RIN2: variants seen among roughly 807,000 people sequenced by gnomAD.
RIN2 encodes Ras and Rab interactor 2, also known as RAB5 interacting protein 2.
A neutral mutation model predicts 78.0 loss-of-function variants in RIN2; 36 were observed. That is an observed-to-expected ratio of 0.46 (90% CI 0.35 to 0.61). RIN2 has a LOEUF of 0.61. RIN2 is among the 20% of genes least tolerant of loss of function. RIN2 has a pLI of 0.00. For missense variants in RIN2, 1,087 were observed against 1,159.7 expected (o/e 0.94, Z 0.91); for synonymous variants, 466 against 466.8 (o/e 1.00, Z 0.02).
chr20:19,792,847 G>T (rs989353067), intron 1 of RIN2, among the ~76,000 whole-genome samples: 1 of 152,132 alleles, frequency 6.6e-6, no homozygotes, highest in Non-Finnish European at 1.5e-5. Context: ...GCTAGCAATT[G>T]CCTATTATGT....
chr20:19,937,134 A>G (rs1172619770), intron 4 of RIN2, among the ~76,000 whole-genome samples: 5 of 152,138 alleles, frequency 3.3e-5, no homozygotes, highest in Non-Finnish European at 7.4e-5. Context: ...GATTTTTTAG[A>G]AGTAGTGAGT....
rs530301557 is a variant in RIN2 at position 19,905,738 on chromosome 20, A to G, written c.57+16080A>G. Among the ~76,000 whole-genome samples the G allele has an allele frequency of 1.5e-4, 23 of 152,328 alleles. No homozygotes were observed. In the South Asian group the frequency reaches 4.1e-3, roughly 27 times the overall value. Reference sequence around the variant, plus strand: ...ACAGAGCAAAACTCCATCTCTAACAAAAAACAAATAAACAAACAACAAGTT... The same window carrying G: ...ACAGAGCAAAACTCCATCTCTAACAGAAAACAAATAAACAAACAACAAGTT... On this transcript the variant is annotated intron_variant, in intron 3 of 12. Transcript: ENST00000255006.
At chr20:19,837,250 T>C (rs1376381699) in intron 2 of RIN2, among the ~76,000 whole-genome samples, 2 of 151,506 alleles carry the variant, frequency 1.3e-5, no homozygotes, top group East Asian at 3.9e-4. Context: ...CCCAGCTCAG[T>C]GTGAGCCCAG....
At chr20:19,879,348 G>T (rs1387104238) in intron 2 of RIN2, among the ~76,000 whole-genome samples, 1 of 152,148 alleles carries the variant, frequency 6.6e-6, no homozygotes, top group Non-Finnish European at 1.5e-5. Context: ...CTTTTCCCTT[G>T]CTAATTTCTG....
rs1050063224 is a variant in RIN2, at chr20:19,974,757, C to T, written c.732C>T (p.Cys244=). 1.2e-6 allele frequency: 2 copies of T among 1,614,036 alleles called. No homozygotes were observed. Among genetic ancestry groups the T allele is most frequent in the Admixed American group, 1.7e-5 (1 of 60,026 alleles). Residue 244 remains cysteine, a synonymous_variant, in exon 9 of 13, where the codon TGC becomes TGT. Transcript: ENST00000255006. ...GTCCTGCCTCCCTGCGTCAGCTCTG[C>T]CTTATAAATGGAGTGCATTCTATCA... The part of the protein sequence containing the change: ...GVCPASLRQL[C]LINGVHSIKT...
rs1467323699 is a variant in RIN2 at position 19,960,793 on chromosome 20, A to G, written c.445A>G (p.Ile149Val). 1.9e-6 allele frequency: 3 copies of G among 1,596,954 alleles called. No homozygotes were observed. The highest frequency in any genetic ancestry group is 1.3e-5 in the African/African-American group (1 of 74,656). Residue 149 changes from isoleucine to valine, a missense_variant, in exon 6 of 13, where the codon ATA becomes GTA. Around this residue, in one of 8 missense-constraint regions of RIN2, gnomAD observed 706 missense variants for 667.5 expected, o/e 1.06. Coordinates refer to ENST00000255006, the MANE Select transcript of RIN2 (RefSeq NM_018993.4). ...TGGGGCCCCACTCAAGGAATTTGCC[A>G]TAAAGGAAAGCACATACAGTAAGTG... ...EFGAPLKEFA[I>V]KESTYTFSLE...
intron 3 of RIN2, among the ~76,000 whole-genome samples, chr20:19,907,295 T>C (rs942680188): frequency 6.6e-6 from 1 of 152,200 alleles, no homozygotes; most frequent in Non-Finnish European, 1.5e-5. Context: ...CACTGTTGCA[T>C]TGAAGATTAA....
intron 1 of RIN2, among the ~76,000 whole-genome samples, chr20:19,762,271 G>A (rs1378728650): frequency 2.6e-5 from 4 of 152,150 alleles, no homozygotes; most frequent in African/African-American, 9.7e-5. Context: ...CCACAGACCA[G>A]TAACCTCAGC....
chr20:19,990,477 G>A (rs2042765390), intron 10 of RIN2, among the ~76,000 whole-genome samples, 166 bp downstream of exon 10: 2 of 152,132 alleles, frequency 1.3e-5, no homozygotes, highest in South Asian at 2.1e-4. Context: ...CGGCACATTA[G>A]TCACATGCAA....
intron 3 of RIN2, among the ~76,000 whole-genome samples, chr20:19,907,114 G>A (rs1366001979): frequency 6.6e-6 from 1 of 152,144 alleles, no homozygotes; most frequent in East Asian, 1.9e-4. Context: ...GCAAGGGTAG[G>A]AGGGAGAGAG....
chr20:19,801,630 G>A (rs899658992), intron 2 of RIN2, among the ~76,000 whole-genome samples: 2 of 152,172 alleles, frequency 1.3e-5, no homozygotes. Flanking sequence ...ATCATTATGC[G>A]ATTCTGTGAT....
At chr20:19,836,346 G>A (rs141930302) in intron 2 of RIN2, among the ~76,000 whole-genome samples, 3 of 152,172 alleles carry the variant, frequency 2.0e-5, no homozygotes, top group African/African-American at 4.8e-5. Flanking sequence ...TGACGCCATC[G>A]CACCAAAACT....
intron 7 of RIN2, among the ~76,000 whole-genome samples, chr20:19,970,090 C>A (rs1050235887): frequency 1.3e-5 from 2 of 152,216 alleles, no homozygotes; most frequent in Non-Finnish European, 1.5e-5. Context: ...TGGCACCATG[C>A]TGCTTGGGTG....
At chr20:19,833,905 C>G (rs1375566785) in intron 2 of RIN2, among the ~76,000 whole-genome samples, 1 of 152,146 alleles carries the variant, frequency 6.6e-6, no homozygotes, top group East Asian at 1.9e-4. Context: ...AGGTTGGCAT[C>G]CTGCTGAGGT....
At chr20:19,816,842 T>A (rs989773887) in intron 2 of RIN2, among the ~76,000 whole-genome samples, 2 of 152,130 alleles carry the variant, frequency 1.3e-5, no homozygotes, top group Non-Finnish European at 2.9e-5. Context: ...TTTAGAAAAT[T>A]TGCAAATTTC....
At chr20:19,887,812 T>A (rs2038263236) in intron 2 of RIN2, among the ~76,000 whole-genome samples, 1 of 152,126 alleles carries the variant, frequency 6.6e-6, no homozygotes, top group Non-Finnish European at 1.5e-5. Flanking sequence ...TGACATCAAA[T>A]CCCCTGCCGA....
At chr20:19,799,073 G>A (rs546945636) in intron 1 of RIN2, among the ~76,000 whole-genome samples, 4 of 152,132 alleles carry the variant, frequency 2.6e-5, no homozygotes, top group African/African-American at 9.6e-5. Flanking sequence ...CTAATTTTTT[G>A]TATTTTTGGT....
intron 9 of RIN2, among the ~76,000 whole-genome samples, chr20:19,980,161 A>G (rs923748195): frequency 1.5e-4 from 23 of 152,174 alleles, no homozygotes; most frequent in African/African-American, 5.5e-4. Flanking sequence ...ATGTGACCCT[A>G]TCGCCTGAAG....
chr20:19,792,107 A>T (rs1395104169), intron 1 of RIN2, among the ~76,000 whole-genome samples: 1 of 152,136 alleles, frequency 6.6e-6, no homozygotes, highest in Non-Finnish European at 1.5e-5. Context: ...ATGAGCTGAA[A>T]GAAAGAAATT....
Sources: allele counts gnomAD v4.1 joint callset (sites outside exome capture counted in the v4.1 genomes callset), GRCh38; gene constraint gnomAD v4.1.1; regional missense constraint gnomAD v4.1.1; transcripts MANE v1.5; gene names NCBI Gene and HGNC (gene_info 2026-07-23, HGNC 2026-07-21).